HTR3B: variants seen among roughly 807,000 people sequenced by gnomAD.
HTR3B encodes 5-hydroxytryptamine receptor 3B, also known as 5-hydroxytryptamine (serotonin) receptor 3B, ionotropic.
HTR3B carries 44 observed loss-of-function variants against 42.8 expected under a neutral mutation model. That is an observed-to-expected ratio of 1.03 (90% CI 0.81 to 1.32). The LOEUF (loss-of-function observed/expected upper bound fraction) is 1.32, where lower values mean the gene tolerates loss of function less well. Among genes scored for constraint, HTR3B ranks in the 40% most tolerant of loss-of-function variants. The pLI is 0.00. For synonymous variants in HTR3B, 203 were observed against 209.0 expected (o/e 0.97, Z 0.25); for missense variants, 527 against 536.5 (o/e 0.98, Z 0.17).
intron 6 of HTR3B, among the ~76,000 whole-genome samples, chr11:113,939,201 C>T (rs1331347889): frequency 6.6e-6 from 1 of 152,160 alleles, no homozygotes; most frequent in Non-Finnish European, 1.5e-5. Context: ...ATAAGCCAAA[C>T]AAAGACAAGA....
At position 113,922,523 on chromosome 11, in the gene HTR3B, C is replaced by T. The variant is rs1949926131; in HGVS notation, c.214-8861C>T. ...TGCTGGGATTACAGGCATGAGCCGC[C>T]GGGCTGAGCCAAGTCTGTGTTTTTA... is the stretch of plus-strand genomic sequence containing the variant. On this transcript the variant is annotated intron_variant, in intron 2 of 8. Coordinates refer to ENST00000260191, the MANE Select transcript of HTR3B (RefSeq NM_006028.5). 3.3e-5 allele frequency among the ~76,000 whole-genome samples: 5 copies of T among 151,944 alleles called. No homozygotes were observed. In the South Asian group the frequency reaches 8.3e-4, roughly 25 times the overall value.
chr11:113,932,846 G>A (rs375096365), intron 5 of HTR3B, 90 bp from the exon 6 acceptor site: 6 of 1,346,702 alleles, frequency 4.5e-6, no homozygotes, highest in South Asian at 1.3e-5. Context: ...GCAGGAGAAC[G>A]AGGAAGGATT....
At position 113,932,998 on chromosome 11, in the gene HTR3B, T is replaced by G; in HGVS notation, c.601T>G (p.Phe201Val). ...PEDIQHDKKA[F>V]LNDSEWELLS... is the part of the protein sequence containing the mutation. ...AGACATTCAGCATGACAAAAAGGCG[T>G]TTTTGAATGACAGTGAGTGGGAACT... Residue 201 changes from phenylalanine to valine, a missense_variant, in exon 6 of 9, where the codon TTT (phenylalanine) becomes GTT (valine). By Grantham distance (50) the Phe-to-Val change is conservative. Transcript: ENST00000260191. The G allele has an allele frequency of 1.9e-6, 3 of 1,613,958 alleles. No individual in the cohort carries two copies. The highest frequency in any genetic ancestry group is 1.7e-6 in the Non-Finnish European group (2 of 1,179,944).
At chr11:113,928,595 T>C (rs961188132) in intron 2 of HTR3B, among the ~76,000 whole-genome samples, 11 of 152,262 alleles carry the variant, frequency 7.2e-5, no homozygotes, top group Admixed American at 5.9e-4. Flanking sequence ...TGGAGTGCAG[T>C]GGCACAATCT....
rs1010183390 is a variant in HTR3B, at chr11:113,932,920, T to C, written c.539-16T>C. 7 of 1,611,448 alleles carry C rather than the reference T, an allele frequency of 4.3e-6. No homozygotes were observed. Among genetic ancestry groups the C allele is most frequent in the Non-Finnish European group, 5.9e-6 (7 of 1,178,870 alleles). On this transcript the variant is annotated splice_polypyrimidine_tract_variant and intron_variant, in intron 5 of 8. Coordinates refer to ENST00000260191, the MANE Select transcript of HTR3B (RefSeq NM_006028.5). ...TCTTTCTCTCTGGGAAAGTCAATTGTTTGTGTTGTTTGCAGTGGAAGACGT... is the reference window on the plus strand; with the variant it reads ...TCTTTCTCTCTGGGAAAGTCAATTGCTTGTGTTGTTTGCAGTGGAAGACGT...
chr11:113,913,183 A>ATTTC (rs1156593694), intron 2 of HTR3B, among the ~76,000 whole-genome samples: 4 of 150,164 alleles, frequency 2.7e-5, no homozygotes, highest in African/African-American at 9.7e-5. Context: ...TGTCCCCAAA[A>ATTTC]TTTCTTTCTT....
At chr11:113,925,190 A>C (rs1159734419) in intron 2 of HTR3B, among the ~76,000 whole-genome samples, 1 of 152,146 alleles carries the variant, frequency 6.6e-6, no homozygotes, top group East Asian at 1.9e-4. Flanking sequence ...GACCCTGTGC[A>C]CAAAGAATAT....
At chr11:113,910,319 A>G (rs1227937646) in intron 2 of HTR3B, among the ~76,000 whole-genome samples, 1 of 152,196 alleles carries the variant, frequency 6.6e-6, no homozygotes, top group Non-Finnish European at 1.5e-5. Context: ...TAGTTGGCAG[A>G]GTTCTTAGGA....
At chr11:113,917,587 C>T (rs1002297910) in intron 2 of HTR3B, among the ~76,000 whole-genome samples, 8 of 151,958 alleles carry the variant, frequency 5.3e-5, no homozygotes, top group African/African-American at 1.9e-4. Flanking sequence ...GGTGCATACA[C>T]ATTTAGACTT....
intron 2 of HTR3B, among the ~76,000 whole-genome samples, chr11:113,928,235 A>G (rs1949996263): frequency 6.6e-6 from 1 of 152,118 alleles, no homozygotes. Context: ...TTATGGCTGC[A>G]TGGTATTCCA....
intron 1 of HTR3B, among the ~76,000 whole-genome samples, chr11:113,908,774 A>G (rs991406322): frequency 3.3e-5 from 5 of 152,232 alleles, no homozygotes; most frequent in African/African-American, 1.2e-4. Flanking sequence ...TTGAGGAGAA[A>G]AGTACAAATT....
intron 6 of HTR3B, among the ~76,000 whole-genome samples, chr11:113,934,869 C>G (rs1220012728): frequency 6.6e-6 from 1 of 151,722 alleles, no homozygotes; most frequent in Non-Finnish European, 1.5e-5. Context: ...TAATGGAGAG[C>G]ATTAAAGGGA....
intron 2 of HTR3B, among the ~76,000 whole-genome samples, chr11:113,923,369 T>G (rs2137508094): frequency 6.6e-6 from 1 of 152,334 alleles, no homozygotes; most frequent in East Asian, 1.9e-4. Flanking sequence ...GTCTTAGAAT[T>G]TCTGGGTATT....
At chr11:113,920,430 C>T (rs2137503392) in intron 2 of HTR3B, among the ~76,000 whole-genome samples, 1 of 152,010 alleles carries the variant, frequency 6.6e-6, no homozygotes, top group East Asian at 1.9e-4. Context: ...GGATGTAGTG[C>T]AGTGGCATGA....
At chr11:113,901,526 C>T (rs1289680304), upstream of HTR3B, among the ~76,000 whole-genome samples, 1 of 151,698 alleles carries the variant, frequency 6.6e-6, no homozygotes, top group Admixed American at 6.6e-5. Context: ...AAGATCTAAG[C>T]CAGCTGACAG....
chr11:113,938,648 G>A (rs983864047), intron 6 of HTR3B, among the ~76,000 whole-genome samples: 1 of 152,158 alleles, frequency 6.6e-6, no homozygotes, highest in African/African-American at 2.4e-5. Context: ...TATCCAATGA[G>A]ATAATAAAAA....
chr11:113,915,938 A>T (rs1949848205), intron 2 of HTR3B, among the ~76,000 whole-genome samples: 1 of 152,172 alleles, frequency 6.6e-6, no homozygotes, highest in African/African-American at 2.4e-5. Flanking sequence ...TCCTGGGTTC[A>T]AGTGGTTCCC....
Position 113,931,878 on chromosome 11 carries a change from C to A in HTR3B, c.368+11C>A. ...CATCATCAATGAGTTGTAAGTGTGC[C>A]AGTGTGTATTTCTGTGGGGTTTAGA... On this transcript the variant is annotated intron_variant, in intron 4 of 8. Coordinates refer to ENST00000260191, the MANE Select transcript of HTR3B (RefSeq NM_006028.5). 6.8e-7 allele frequency: 1 copy of A among 1,470,554 alleles called. No individual in the cohort carries two copies. Among genetic ancestry groups the A allele is most frequent in the South Asian group, 1.1e-5 (1 of 88,208 alleles). The allele number at this position is 1,470,554 out of a possible 1,614,324, so 91.1% of individuals were successfully genotyped here. A position where few individuals can be genotyped will look rare whatever the true frequency, so the allele number is the denominator to read the frequency against.
At position 113,917,730 on chromosome 11, in the gene HTR3B, G is replaced by A. The variant is rs937971858; in HGVS notation, c.213+8275G>A. 1.4e-4 allele frequency among the ~76,000 whole-genome samples: 21 copies of A among 151,984 alleles called. 1 individual carries two copies. Among genetic ancestry groups the A allele is most frequent in the Non-Finnish European group, 2.9e-4 (20 of 68,008 alleles). The stretch of plus-strand genomic sequence containing the variant: ...GACAATTCTCCTGCCTCACCCTCCT[G>A]AGTAGCTGGGACTACAGGCACATGC... On this transcript the variant is annotated intron_variant, in intron 2 of 8. Transcript: ENST00000260191.
Sources: allele counts gnomAD v4.1 joint callset (sites outside exome capture counted in the v4.1 genomes callset), GRCh38; gene constraint gnomAD v4.1.1; transcripts MANE v1.5; gene names NCBI Gene and HGNC (gene_info 2026-07-23, HGNC 2026-07-21).